The following TBC1D9 variants were observed in gnomAD, a reference collection of about 807,000 sequenced individuals.
TBC1D9 encodes the protein TBC1 domain family member 9, also known as TBC1 domain family member 9A.
In TBC1D9, 63 loss-of-function variants were observed where a neutral mutation model predicts 132.0. The ratio of observed to expected loss-of-function variants is 0.48; its 90% confidence interval spans 0.39 to 0.59. The LOEUF is 0.59. Among genes scored for constraint, TBC1D9 ranks in the 20% least tolerant of loss-of-function variants. TBC1D9 has a pLI of 0.00. For missense variants in TBC1D9, 1,261 were observed against 1,592.7 expected (o/e 0.79, Z 3.54); for synonymous variants, 610 against 609.9 (o/e 1.00, Z 0.00).
intron 9 of TBC1D9, among the ~76,000 whole-genome samples, chr4:140,665,539 TTAAAAGGTTAAACATAGAG>T (rs1737429897): frequency 6.6e-6 from 1 of 152,270 alleles, no homozygotes; most frequent in Admixed American, 6.5e-5. Flanking sequence ...TGTTTAACCT[TTAAAAGGTTAAACATAGAG>T]TTACCATACG....
chr4:140,735,065 A>G (rs1738651811), intron 1 of TBC1D9, among the ~76,000 whole-genome samples: 1 of 152,252 alleles, frequency 6.6e-6, no homozygotes, highest in Non-Finnish European at 1.5e-5. Context: ...TTACAATGAA[A>G]GATTAAATAT....
At chr4:140,642,092 T>G (rs1279745027) in intron 13 of TBC1D9, 3 of 714,242 alleles carry the variant, frequency 4.2e-6, no homozygotes, top group Non-Finnish European at 2.6e-6. Flanking sequence ...GAGGAGGGGG[T>G]GTGTGCCAGG....
At chr4:140,628,461 C>T in intron 16 of TBC1D9, 96 bp from the exon 17 acceptor site, 1 of 1,115,392 alleles carries the variant, frequency 9.0e-7, no homozygotes. Context: ...ATACACATTC[C>T]AACCAAGACA....
At chr4:140,683,410 T>G (rs1330133690) in intron 3 of TBC1D9, among the ~76,000 whole-genome samples, 3 of 152,172 alleles carry the variant, frequency 2.0e-5, no homozygotes, top group Admixed American at 1.3e-4. Flanking sequence ...TGGCTATAAT[T>G]TTTTAGCCAG....
chr4:140,673,412 A>T (rs937235046), intron 6 of TBC1D9, among the ~76,000 whole-genome samples: 1 of 152,150 alleles, frequency 6.6e-6, no homozygotes, highest in African/African-American at 2.4e-5. Context: ...TAATGTTCCC[A>T]GGGATGTCAA....
chr4:140,676,858 T>C, intron 6 of TBC1D9, 36 bp downstream of exon 6: 1 of 1,606,816 alleles, frequency 6.2e-7, no homozygotes, highest in Non-Finnish European at 8.5e-7. Flanking sequence ...GTATTACAAA[T>C]GAAACTTAAA....
chr4:140,704,862 C>T (rs1419184787), intron 1 of TBC1D9, among the ~76,000 whole-genome samples: 2 of 152,198 alleles, frequency 1.3e-5, no homozygotes, highest in Non-Finnish European at 2.9e-5. Flanking sequence ...TCATTAGATG[C>T]AAGTTCACCA....
chr4:140,659,720 G>C lies in TBC1D9; in HGVS notation c.1804-15C>G, dbSNP rs756766687. On this transcript the variant is annotated splice_polypyrimidine_tract_variant and intron_variant, in intron 10 of 20. Transcript: ENST00000442267. ...ATATTCATGGCCTAAAAAAGTGAAA[G>C]AGGATGTCATCAAATACAGTTGAAA... 1.1e-4 allele frequency: 167 copies of C among 1,538,274 alleles called. 1 individual carries two copies. The East Asian group carries it at 3.8e-3, about 35-fold the overall frequency.
intron 1 of TBC1D9, among the ~76,000 whole-genome samples, chr4:140,704,540 T>G (rs1400565079): frequency 6.6e-6 from 1 of 151,718 alleles, no homozygotes; most frequent in Non-Finnish European, 1.5e-5. Flanking sequence ...CAAGCATAAT[T>G]GACTGGGCAG....
Position 140,645,615 on chromosome 4 carries a change from C to T in TBC1D9, c.2338-6187G>A, listed in dbSNP as rs1487237315. 22 of 248,530 alleles carry T rather than the reference C, an allele frequency of 8.9e-5. No homozygotes were observed. In the Admixed American group the frequency reaches 1.2e-3, roughly 13 times the overall value. 15.4% of individuals were successfully genotyped at this position (248,530 alleles called of 1,614,324 possible). A position where few individuals can be genotyped will look rare whatever the true frequency, so the allele number is the denominator to read the frequency against. ...TGGTTCTAAAACCAGAGTCAGACAA[C>T]ACTCTTCCTTTGTTTAAAATTCCAG... On this transcript the variant is annotated intron_variant, in intron 13 of 20. Transcript: ENST00000442267.
At chr4:140,686,289 T>C (rs757618290) in intron 3 of TBC1D9, 55 bp downstream of exon 3, 106 of 1,134,102 alleles carry the variant, frequency 9.3e-5, no homozygotes, top group Non-Finnish European at 1.3e-4. Context: ...TTTTACAACA[T>C]TTCTGTAAAT....
intron 1 of TBC1D9, among the ~76,000 whole-genome samples, chr4:140,730,280 G>T (rs6827420): frequency 0.81 from 122,785 of 152,186 alleles, 50,094 homozygotes; most frequent in East Asian, 0.94. Flanking sequence ...GTTTGTCAAC[G>T]GGCCACTCTG....
At chr4:140,652,329 C>T (rs576321011) in intron 13 of TBC1D9, among the ~76,000 whole-genome samples, 61 of 152,108 alleles carry the variant, frequency 4.0e-4, no homozygotes, top group African/African-American at 1.4e-3. Context: ...CATATACAAC[C>T]ACACTATCTT....
chr4:140,622,419 C>A lies in TBC1D9; in HGVS notation c.3577G>T (p.Gly1193Cys). 6.2e-7 allele frequency: 1 copy of A among 1,613,460 alleles called. No homozygotes were observed. Among genetic ancestry groups the A allele is most frequent in the Middle Eastern group, 1.7e-4 (1 of 6,058 alleles). The change falls in exon 21 of 21, where the codon GGC (glycine) becomes TGC (cysteine). Residue 1193 changes from glycine (G) to cysteine (C), a missense_variant. Coordinates refer to ENST00000442267, the MANE Select transcript of TBC1D9 (RefSeq NM_015130.3). ...IGEDTVLVRS[G>C]QGTAALPRST... ...CGGGGCAGTGCCGCCGTGCCCTGGC[C>A]GCTCCGCACCAGGACCGTGTCCTCT...
At chr4:140,737,220 G>A (rs1372503304) in intron 1 of TBC1D9, among the ~76,000 whole-genome samples, 1 of 152,076 alleles carries the variant, frequency 6.6e-6, no homozygotes, top group East Asian at 1.9e-4. Context: ...ACTGCGCCTT[G>A]GGGTTTGGGG....
At chr4:140,729,071 C>T (rs1486073846) in intron 1 of TBC1D9, among the ~76,000 whole-genome samples, 1 of 152,130 alleles carries the variant, frequency 6.6e-6, no homozygotes, top group Non-Finnish European at 1.5e-5. Flanking sequence ...TAACATCTTT[C>T]TATTCTTCTT....
At chr4:140,642,254 G>C (rs528571929) in intron 13 of TBC1D9, 1 of 714,632 alleles carries the variant, frequency 1.4e-6, no homozygotes, top group East Asian at 2.7e-5. Flanking sequence ...AGTCTGTATT[G>C]TAAGAGTAGC....
Position 140,639,096 on chromosome 4 carries a change from G to A in TBC1D9, c.2495C>T (p.Ala832Val). ...FTIDELEELY[A>V]LFKAEHLTSC... ...TACCTTGCAACTCACCTTGAAAAGA[G>A]CATAAAGTTCTTCCAGCTCATCAAT... is the stretch of plus-strand genomic sequence containing the variant. The change falls in exon 15 of 21, where the codon GCT becomes GTT. Residue 832 changes from alanine to valine, a missense_variant. Transcript: ENST00000442267. The A allele has an allele frequency of 6.3e-7, 1 of 1,589,862 alleles. No homozygotes were observed. Among genetic ancestry groups the A allele is most frequent in the Non-Finnish European group, 8.6e-7 (1 of 1,166,922 alleles).
rs553746618 is a variant in TBC1D9, at chr4:140,749,601, T to C, written c.130+6315A>G. Among the ~76,000 whole-genome samples, 264 of 152,180 alleles carry C rather than the reference T, an allele frequency of 1.7e-3. 1 individual carries two copies. The highest frequency in any genetic ancestry group is 6.1e-3 in the African/African-American group (253 of 41,520). The stretch of plus-strand genomic sequence containing the variant: ...ACTTTGAGAGGCCAAGGTAGGGGAA[T>C]TGGTTTAGGCCAGGAGTTTGAGACC... On this transcript the variant is annotated intron_variant, in intron 1 of 20. Transcript: ENST00000442267.
Sources: gnomAD v4.1 joint callset for allele counts (sites outside exome capture counted in the v4.1 genomes callset) on GRCh38, gnomAD v4.1.1 for gene constraint, MANE v1.5 for transcripts, NCBI Gene and HGNC (gene_info 2026-07-23, HGNC 2026-07-21) for gene names.